Variants in INPP4B observed in about 807,000 individuals in gnomAD.
The protein encoded by INPP4B is inositol polyphosphate-4-phosphatase type II B.
INPP4B carries 55 observed loss-of-function variants against 122.5 expected under a neutral mutation model. The observed-to-expected ratio is 0.45, with a 90% CI of 0.36 to 0.56. The LOEUF (loss-of-function observed/expected upper bound fraction) is 0.56. Among genes scored for constraint, INPP4B ranks in the 20% least tolerant of loss-of-function variants. The pLI is 0.00. For synonymous variants in INPP4B, 403 were observed against 388.7 expected, an observed-to-expected ratio of 1.04 and a Z score of -0.43; for missense variants, 1,000 against 1,097.7, an observed-to-expected ratio of 0.91 and a Z score of 1.26.
At chr4:142,688,334 T>A (rs766488120) in intron 2 of INPP4B, among the ~76,000 whole-genome samples, 17 of 152,132 alleles carry the variant, frequency 1.1e-4, no homozygotes, top group Non-Finnish European at 2.4e-4. Context: ...CAGGACTGTG[T>A]ACCATTCCCC....
At chr4:142,713,962 A>G (rs1763430337) in intron 2 of INPP4B, among the ~76,000 whole-genome samples, 1 of 152,242 alleles carries the variant, frequency 6.6e-6, no homozygotes, top group South Asian at 2.1e-4. Flanking sequence ...CACTAGATGC[A>G]ATGAGTATTA....
chr4:142,360,312 C>T (rs1784972778), intron 7 of INPP4B, among the ~76,000 whole-genome samples: 1 of 151,896 alleles, frequency 6.6e-6, no homozygotes, highest in Non-Finnish European at 1.5e-5. Flanking sequence ...ACAAAACTTG[C>T]TCACTTAAGA....
chr4:142,430,919 T>A (rs936310589), intron 4 of INPP4B, among the ~76,000 whole-genome samples: 1 of 152,148 alleles, frequency 6.6e-6, no homozygotes, highest in Non-Finnish European at 1.5e-5. Context: ...AGATATTTAA[T>A]CTTGTTATTT....
At chr4:142,631,220 G>T (rs1274817803) in intron 2 of INPP4B, among the ~76,000 whole-genome samples, 1 of 151,996 alleles carries the variant, frequency 6.6e-6, no homozygotes, top group Non-Finnish European at 1.5e-5. Flanking sequence ...GACAAGACTG[G>T]ATATTTTGGC....
chr4:142,512,891 C>T (rs926455646), intron 2 of INPP4B, among the ~76,000 whole-genome samples: 11 of 152,250 alleles, frequency 7.2e-5, no homozygotes, highest in African/African-American at 2.2e-4. Context: ...TTACCCAAAA[C>T]CCACCACCAC....
At chr4:142,498,690 T>C (rs1346028905) in intron 2 of INPP4B, among the ~76,000 whole-genome samples, 1 of 150,938 alleles carries the variant, frequency 6.6e-6, no homozygotes, top group Non-Finnish European at 1.5e-5. Flanking sequence ...ACTCGAGAGG[T>C]TGAGATTGGA....
At chr4:142,482,599 T>C (rs1580177620) in intron 2 of INPP4B, among the ~76,000 whole-genome samples, 1 of 152,150 alleles carries the variant, frequency 6.6e-6, no homozygotes, top group Non-Finnish European at 1.5e-5. Context: ...TGTGGTGGAC[T>C]CTCTTTTCTC....
chr4:142,580,096 G>A (rs372410021), intron 2 of INPP4B, among the ~76,000 whole-genome samples: 32 of 151,232 alleles, frequency 2.1e-4, no homozygotes, highest in African/African-American at 7.8e-4. Context: ...AAATAGTCCA[G>A]CTCTTTTTGA....
At chr4:142,778,885 A>G (rs1774342884) in intron 1 of INPP4B, among the ~76,000 whole-genome samples, 1 of 152,158 alleles carries the variant, frequency 6.6e-6, no homozygotes, top group Admixed American at 6.6e-5. Flanking sequence ...TGTAAGCAAC[A>G]CATGACATAA....
In INPP4B at chr4:142,160,537, T is replaced by C. The variant is rs781600296; in HGVS notation, c.1384A>G (p.Lys462Glu). ...EKTELFVHAF[K>E]DQLVRSALLA... ...AGAGCACTCCTGACAAGTTGATCCT[T>C]GAAGGCATGTACAAAAAGCTCTGTC... Residue 462 changes from lysine (K) to glutamate (E), a missense_variant, in exon 17 of 26, where the codon AAG becomes GAG. Lys to Glu is a moderately conservative substitution (Grantham distance 56). Transcript: ENST00000262992. 1.6e-5 allele frequency: 25 copies of C among 1,602,972 alleles called. No homozygotes were observed. The highest frequency in any genetic ancestry group is 1.2e-4 in the South Asian group (11 of 90,570).
chr4:142,672,083 G>C (rs1757076833), intron 2 of INPP4B, among the ~76,000 whole-genome samples: 1 of 152,236 alleles, frequency 6.6e-6, no homozygotes, highest in African/African-American at 2.4e-5. Context: ...TCCTTTTTAT[G>C]CTAAGTAGTA....
intron 2 of INPP4B, among the ~76,000 whole-genome samples, chr4:142,492,014 G>T (rs1380576134): frequency 6.6e-6 from 1 of 152,138 alleles, no homozygotes; most frequent in Non-Finnish European, 1.5e-5. Context: ...GGAGGGACCT[G>T]GTGGGAGGTA....
At chr4:142,799,919 T>C (rs971562721) in intron 1 of INPP4B, among the ~76,000 whole-genome samples, 1 of 151,738 alleles carries the variant, frequency 6.6e-6, no homozygotes, top group Non-Finnish European at 1.5e-5. Context: ...AGATTATAAA[T>C]AATGATGCAA....
chr4:142,270,825 C>A (rs747203149), intron 9 of INPP4B, 51 bp from the exon 10 acceptor site: 14 of 1,136,694 alleles, frequency 1.2e-5, no homozygotes, highest in East Asian at 2.3e-5. Flanking sequence ...CTCTCTCCCC[C>A]AAAAATATCC....
At chr4:142,742,219 C>T (rs1266476269) in intron 1 of INPP4B, among the ~76,000 whole-genome samples, 1 of 151,902 alleles carries the variant, frequency 6.6e-6, no homozygotes, top group East Asian at 1.9e-4. Flanking sequence ...CAGCCCACAG[C>T]CAAAGCATGA....
intron 12 of INPP4B, among the ~76,000 whole-genome samples, chr4:142,231,566 C>T (rs558217485): frequency 2.6e-5 from 4 of 152,202 alleles, no homozygotes; most frequent in Non-Finnish European, 4.4e-5. Context: ...TTCTATATAA[C>T]ATTTTCTTAA....
At chr4:142,341,745 G>A (rs536426534) in intron 7 of INPP4B, among the ~76,000 whole-genome samples, 1 of 152,258 alleles carries the variant, frequency 6.6e-6, no homozygotes, top group African/African-American at 2.4e-5. Flanking sequence ...TGGTACTTAT[G>A]GACTTGATAT....
intron 7 of INPP4B, among the ~76,000 whole-genome samples, chr4:142,393,787 G>A (rs916084459): frequency 2.0e-5 from 3 of 152,198 alleles, no homozygotes; most frequent in South Asian, 2.1e-4. Context: ...GGCAAAGGCC[G>A]ATCTGTAACC....
At chr4:142,484,630 A>ACC (rs1820980128) in intron 2 of INPP4B, among the ~76,000 whole-genome samples, 3 of 152,118 alleles carry the variant, frequency 2.0e-5, no homozygotes. Flanking sequence ...GTACATAGGT[A>ACC]CATGTACAGG....
Sources: gnomAD v4.1 joint callset for allele counts (sites outside exome capture counted in the v4.1 genomes callset) on GRCh38, gnomAD v4.1.1 for gene constraint, MANE v1.5 for transcripts, NCBI Gene and HGNC (gene_info 2026-07-23, HGNC 2026-07-21) for gene names.